CDH18: variants seen among roughly 807,000 people sequenced by gnomAD.
CDH18 encodes the protein cadherin 18.
A neutral mutation model predicts 67.9 loss-of-function variants in CDH18; 31 were observed. The ratio of observed to expected loss-of-function variants is 0.46; its 90% CI spans 0.34 to 0.62. The LOEUF (loss-of-function observed/expected upper bound fraction) is 0.62, where lower values mean the gene tolerates loss of function less well. CDH18 is among the 20% of genes least tolerant of loss of function. The probability of loss-of-function intolerance (pLI) is 0.01; values close to 1 mark genes in which losing one functional copy is unlikely to be tolerated. For synonymous variants in CDH18, 362 were observed against 347.2 expected (o/e 1.04, Z -0.48); for missense variants, 890 against 975.5 (o/e 0.91, Z 1.17).
intron 2 of CDH18, among the ~76,000 whole-genome samples, chr5:19,980,850 C>A (rs76097827): frequency 0.02 from 3,103 of 152,262 alleles, 56 homozygotes; most frequent in Non-Finnish European, 0.028. Context: ...AAACTCAGGT[C>A]TTTACTTCTA....
At chr5:19,900,873 A>C (rs1789872573) in intron 2 of CDH18, among the ~76,000 whole-genome samples, 1 of 152,176 alleles carries the variant, frequency 6.6e-6, no homozygotes, top group African/African-American at 2.4e-5. Flanking sequence ...GAATAAAAAC[A>C]TGAATTTTTA....
chr5:20,184,679 G>C (rs1428412077), intron 2 of CDH18, among the ~76,000 whole-genome samples: 2 of 152,002 alleles, frequency 1.3e-5, no homozygotes, highest in Non-Finnish European at 2.9e-5. Flanking sequence ...TAATTAGTTG[G>C]TCTATTGAAG....
chr5:20,193,278 C>A (rs916263069), intron 2 of CDH18, among the ~76,000 whole-genome samples: 2 of 152,032 alleles, frequency 1.3e-5, no homozygotes, highest in Admixed American at 1.3e-4. Flanking sequence ...CACAGAAATA[C>A]AAACTACCAT....
At chr5:20,099,722 A>T (rs574408534) in intron 2 of CDH18, among the ~76,000 whole-genome samples, 1 of 152,282 alleles carries the variant, frequency 6.6e-6, no homozygotes, top group East Asian at 1.9e-4. Context: ...AGATTGACTG[A>T]GTGTGTCTAT....
intron 2 of CDH18, among the ~76,000 whole-genome samples, chr5:19,852,623 A>G (rs1783834407): frequency 6.6e-6 from 1 of 152,072 alleles, no homozygotes; most frequent in African/African-American, 2.4e-5. Context: ...TCTGGATAGT[A>G]TAAGCCATGG....
At chr5:19,791,697 T>G (rs1776377364) in intron 3 of CDH18, among the ~76,000 whole-genome samples, 1 of 152,144 alleles carries the variant, frequency 6.6e-6, no homozygotes, top group Non-Finnish European at 1.5e-5. Context: ...GGCTTTCAGT[T>G]ACAGAATTTG....
chr5:19,916,177 A>T (rs1579576242), intron 2 of CDH18, among the ~76,000 whole-genome samples: 1 of 152,090 alleles, frequency 6.6e-6, no homozygotes, highest in Non-Finnish European at 1.5e-5. Context: ...TCAGCTTAAA[A>T]CTATCAAGAG....
intron 5 of CDH18, among the ~76,000 whole-genome samples, chr5:19,640,996 C>T (rs1753909834): frequency 6.6e-6 from 1 of 151,610 alleles, no homozygotes; most frequent in Admixed American, 6.6e-5. Context: ...AAAGGAGATG[C>T]TACAATGGAT....
At chr5:20,092,409 G>T (rs111667713) in intron 2 of CDH18, among the ~76,000 whole-genome samples, 3,582 of 152,024 alleles carry the variant, frequency 0.024, 137 homozygotes, top group African/African-American at 0.077. Context: ...AGAGTGTCCC[G>T]ACAGGTTAGC....
intron 2 of CDH18, among the ~76,000 whole-genome samples, chr5:20,137,374 C>T (rs1037799976): frequency 9.9e-5 from 15 of 152,190 alleles, no homozygotes; most frequent in Non-Finnish European, 1.3e-4. Context: ...TTGATTGAAT[C>T]GGCTACTGAA....
At chr5:20,371,586 G>A (rs758226643) in intron 1 of CDH18, among the ~76,000 whole-genome samples, 3 of 152,182 alleles carry the variant, frequency 2.0e-5, no homozygotes, top group Non-Finnish European at 4.4e-5. Context: ...AAATGTGCCT[G>A]CAATGGGAAG....
At chr5:20,036,192 G>A (rs1739843675) in intron 2 of CDH18, among the ~76,000 whole-genome samples, 1 of 151,978 alleles carries the variant, frequency 6.6e-6, no homozygotes, top group Non-Finnish European at 1.5e-5. Flanking sequence ...CTGATCCACA[G>A]CTGTTCACCA....
chr5:20,256,417 T>C (rs1744237323), intron 1 of CDH18, among the ~76,000 whole-genome samples: 1 of 152,044 alleles, frequency 6.6e-6, no homozygotes, highest in African/African-American at 2.4e-5. Context: ...TGATAAAAAT[T>C]ACACTTACAG....
intron 2 of CDH18, among the ~76,000 whole-genome samples, chr5:20,003,019 T>C (rs1736576295): frequency 6.6e-6 from 1 of 152,166 alleles, no homozygotes; most frequent in East Asian, 1.9e-4. Context: ...TGTCACAGTT[T>C]ACATGCAAAT....
intron 1 of CDH18, among the ~76,000 whole-genome samples, chr5:20,368,912 A>G (rs1342748901): frequency 2.0e-5 from 3 of 152,156 alleles, no homozygotes; most frequent in Non-Finnish European, 4.4e-5. Context: ...TTCTCCTGTA[A>G]TTTATGACTC....
chr5:19,864,328 T>C (rs1456200970), intron 2 of CDH18, among the ~76,000 whole-genome samples: 1 of 134,684 alleles, frequency 7.4e-6, no homozygotes, highest in Non-Finnish European at 1.5e-5. Flanking sequence ...AATTGAACAA[T>C]GAGAACACAT....
intron 1 of CDH18, among the ~76,000 whole-genome samples, chr5:20,275,567 T>C (rs1388344610): frequency 6.6e-6 from 1 of 152,232 alleles, no homozygotes; most frequent in Non-Finnish European, 1.5e-5. Context: ...TATGGCATTT[T>C]CCATGAATAA....
chr5:19,944,192 C>T (rs1795088564), intron 2 of CDH18, among the ~76,000 whole-genome samples: 1 of 151,952 alleles, frequency 6.6e-6, no homozygotes, highest in Admixed American at 6.6e-5. Flanking sequence ...ATGGAATTTC[C>T]ACTAAAACAT....
intron 1 of CDH18, among the ~76,000 whole-genome samples, chr5:20,462,550 A>G (rs1237274752): frequency 6.6e-6 from 1 of 152,218 alleles, no homozygotes; most frequent in East Asian, 1.9e-4. Context: ...GGATACCCCA[A>G]ATACCCTGAC....
Sources: gnomAD v4.1 joint callset for allele counts (sites outside exome capture counted in the v4.1 genomes callset) on GRCh38, gnomAD v4.1.1 for gene constraint, MANE v1.5 for transcripts, NCBI Gene and HGNC (gene_info 2026-07-23, HGNC 2026-07-21) for gene names.